Variants in ASTN1 observed in about 807,000 individuals in gnomAD.
ASTN1 encodes the protein astrotactin-1.
A neutral mutation model predicts 140.7 loss-of-function variants in ASTN1; 41 were observed. The ratio of observed to expected loss-of-function variants is 0.29; its 90% CI spans 0.23 to 0.38. ASTN1 has a LOEUF of 0.38. Ranked by LOEUF, ASTN1 falls within the 10% of genes least tolerant of loss-of-function variation. The pLI is 1.00. For missense variants in ASTN1, 1,479 were observed against 1,678.8 expected, an observed-to-expected ratio of 0.88 and a Z score of 2.08; for synonymous variants, 640 against 652.2, an observed-to-expected ratio of 0.98 and a Z score of 0.29.
chr1:176,949,395 A>T, intron 11 of ASTN1, 44 bp from the exon 12 acceptor site: 1 of 1,582,438 alleles, frequency 6.3e-7, no homozygotes. Context: ...TGAATCGGGG[A>T]ACTGAGTTCT....
Position 177,033,092 on chromosome 1 carries a change from C to T in ASTN1, c.472-243G>A, listed in dbSNP as rs778777345. On this transcript the variant is annotated intron_variant, in intron 2 of 22. Coordinates refer to ENST00000361833, the MANE Select transcript of ASTN1 (RefSeq NM_004319.3). ...ATCATTTCAAGTGATCCAGTTGCTT[C>T]GGGCTTAGCAAACAATTTGAAGAAA... 4.1e-4 allele frequency among the ~76,000 whole-genome samples: 61 copies of T among 150,232 alleles called. 1 individual carries two copies. Among genetic ancestry groups the T allele is most frequent in the Non-Finnish European group, 5.8e-4 (39 of 67,808 alleles).
chr1:176,942,130 C>A (rs1312507506), intron 14 of ASTN1, among the ~76,000 whole-genome samples: 1 of 151,998 alleles, frequency 6.6e-6, no homozygotes, highest in Non-Finnish European at 1.5e-5. Flanking sequence ...TACTATTTTC[C>A]TTTTTCTTTT....
intron 15 of ASTN1, chr1:176,936,055 A>C: frequency 1.6e-6 from 1 of 635,406 alleles, no homozygotes; most frequent in Non-Finnish European, 2.9e-6. Context: ...CTGTAGTCCA[A>C]GATAACACAT....
chr1:176,870,994 G>T (rs1024290661), intron 21 of ASTN1, among the ~76,000 whole-genome samples: 4 of 152,198 alleles, frequency 2.6e-5, no homozygotes, highest in South Asian at 4.1e-4. Context: ...CTGCCAGGGT[G>T]AGATGGAGTC....
At chr1:176,884,642 A>C in intron 18 of ASTN1, 152 bp from the exon 19 acceptor site, 1 of 849,996 alleles carries the variant, frequency 1.2e-6, no homozygotes, top group Non-Finnish European at 1.7e-6. Flanking sequence ...AAAGATAGTA[A>C]TGTTTTTGAG....
chr1:177,156,043 G>A (rs547086034), intron 1 of ASTN1, among the ~76,000 whole-genome samples: 18 of 152,002 alleles, frequency 1.2e-4, no homozygotes, highest in Non-Finnish European at 1.8e-4. Context: ...AGGCTGAGGC[G>A]GGCAGATCAC....
chr1:177,108,677 C>T (rs1188043889), intron 1 of ASTN1, among the ~76,000 whole-genome samples: 1 of 152,074 alleles, frequency 6.6e-6, no homozygotes, highest in Non-Finnish European at 1.5e-5. Flanking sequence ...TTGGTGATGT[C>T]ATTTATTGAG....
At chr1:176,964,567 C>T (rs1672795097) in intron 9 of ASTN1, among the ~76,000 whole-genome samples, 1 of 152,140 alleles carries the variant, frequency 6.6e-6, no homozygotes, top group Non-Finnish European at 1.5e-5. Context: ...GTGGGCCTTT[C>T]TAATACGTGC....
At chr1:177,136,955 C>T (rs942107063) in intron 1 of ASTN1, among the ~76,000 whole-genome samples, 3 of 152,178 alleles carry the variant, frequency 2.0e-5, no homozygotes, top group African/African-American at 7.2e-5. Context: ...GTTGTGTGGG[C>T]TGCCCTACAC....
chr1:177,080,051 G>A (rs1261928422), intron 1 of ASTN1, among the ~76,000 whole-genome samples: 1 of 151,872 alleles, frequency 6.6e-6, no homozygotes, highest in African/African-American at 2.4e-5. Context: ...TCAACAGCTG[G>A]TAGCTGTTGA....
chr1:177,031,883 T>C (rs1365559530), intron 3 of ASTN1, among the ~76,000 whole-genome samples: 1 of 152,168 alleles, frequency 6.6e-6, no homozygotes, highest in South Asian at 2.1e-4. Context: ...CCAGTCAGTG[T>C]CTCCATAGAT....
chr1:176,902,612 G>A (rs1171608272), intron 16 of ASTN1, among the ~76,000 whole-genome samples: 9 of 152,234 alleles, frequency 5.9e-5, no homozygotes, highest in Middle Eastern at 3.4e-3. Context: ...ATTTAATAAC[G>A]AATTGACTAA....
At chr1:176,999,038 A>G (rs1027411987) in intron 8 of ASTN1, among the ~76,000 whole-genome samples, 1 of 152,172 alleles carries the variant, frequency 6.6e-6, no homozygotes, top group Non-Finnish European at 1.5e-5. Flanking sequence ...ACAGTAAATT[A>G]TTACCTATTA....
intron 14 of ASTN1, among the ~76,000 whole-genome samples, chr1:176,939,188 T>A (rs1368943456): frequency 6.6e-6 from 1 of 152,164 alleles, no homozygotes; most frequent in Non-Finnish European, 1.5e-5. Context: ...TCCACAATGT[T>A]ATCATCTTCA....
At chr1:177,070,083 C>T (rs1678564371) in intron 1 of ASTN1, among the ~76,000 whole-genome samples, 1 of 152,138 alleles carries the variant, frequency 6.6e-6, no homozygotes, top group African/African-American at 2.4e-5. Context: ...ATTTACAGAT[C>T]ATTTCATACA....
At chr1:176,935,864 T>A (rs923477078) in intron 15 of ASTN1, among the ~76,000 whole-genome samples, 7 of 152,136 alleles carry the variant, frequency 4.6e-5, no homozygotes, top group African/African-American at 1.4e-4. Context: ...CCGTCCCCCC[T>A]CTTTCTTGCT....
chr1:176,972,888 C>T (rs1479007708), intron 8 of ASTN1, among the ~76,000 whole-genome samples: 3 of 152,058 alleles, frequency 2.0e-5, no homozygotes, highest in Admixed American at 6.6e-5. Context: ...TCTCTGTGAC[C>T]TTGGATAAGT....
intron 2 of ASTN1, among the ~76,000 whole-genome samples, chr1:177,059,195 T>C (rs985349347): frequency 1.3e-5 from 2 of 152,184 alleles, no homozygotes; most frequent in African/African-American, 2.4e-5. Context: ...ATGACCACCA[T>C]TGCATCCCAC....
At chr1:177,101,232 A>G (rs531802750) in intron 1 of ASTN1, among the ~76,000 whole-genome samples, 80 of 152,364 alleles carry the variant, frequency 5.3e-4, no homozygotes, top group African/African-American at 1.8e-3. Flanking sequence ...GCATTTATCT[A>G]TAAGTCAAAA....
Sources: allele counts gnomAD v4.1 joint callset (sites outside exome capture counted in the v4.1 genomes callset), GRCh38; gene constraint gnomAD v4.1.1; transcripts MANE v1.5; gene names NCBI Gene and HGNC (gene_info 2026-07-23, HGNC 2026-07-21).